GLIS2: variants seen among roughly 807,000 people sequenced by gnomAD.
The protein encoded by GLIS2 is zinc finger protein GLIS2.
In GLIS2, 14 loss-of-function variants were observed where a neutral mutation model predicts 35.6. The observed-to-expected ratio is 0.39, with a 90% CI of 0.26 to 0.61. The LOEUF (loss-of-function observed/expected upper bound fraction) is 0.61, where lower values mean the gene tolerates loss of function less well. Ranked by LOEUF, GLIS2 falls within the 20% of genes least tolerant of loss-of-function variation. The pLI is 0.48. For synonymous variants in GLIS2, 368 were observed against 325.1 expected (o/e 1.13, Z -1.42); for missense variants, 675 against 713.4 (o/e 0.95, Z 0.61).
In GLIS2 at chr16:4,335,776, A is replaced by G; in HGVS notation, c.775+383A>G. 1 of 261,690 alleles carries G rather than the reference A, an allele frequency of 3.8e-6. No homozygotes were observed. Among genetic ancestry groups the G allele is most frequent in the Non-Finnish European group, 7.5e-6 (1 of 134,206 alleles). The allele number at this position is 261,690 out of a possible 1,614,324, so 16.2% of individuals were successfully genotyped here. ...ACATTTCCTAATCGCTGCATAAAAC[A>G]CAGCAAAAATAAATGGGTGAAATTA... On this transcript the variant is annotated intron_variant, in intron 6 of 6. Coordinates refer to ENST00000433375, the MANE Select transcript of GLIS2 (RefSeq NM_032575.3). The surrounding 1 kb of genome is among the most constrained non-coding windows in gnomAD (Gnocchi z 4.6).
intron 6 of GLIS2, chr16:4,336,115 G>A (rs553948202): frequency 1.3e-3 from 247 of 193,390 alleles, no homozygotes; most frequent in Non-Finnish European, 2.1e-3. Context: ...GCCCACGCTG[G>A]GCGCCTCGTG....
chr16:4,332,174 TG>T lies in GLIS2; in HGVS notation c.-66-37del. 1 of 1,360,320 alleles carries T rather than the reference TG, an allele frequency of 7.4e-7. No homozygotes were observed. Among genetic ancestry groups the T allele is most frequent in the Non-Finnish European group, 1.0e-6 (1 of 982,752 alleles). 84.3% of individuals were successfully genotyped at this position (1,360,320 alleles called of 1,614,324 possible). A position where few individuals can be genotyped will look rare whatever the true frequency, so the allele number is the denominator to read the frequency against. The stretch of plus-strand genomic sequence containing the variant: ...CATGAGTACAGCCCGAGGAGAAGCC[TG>T]GGGTCTCAGTGCCACAGCACAGCTC... On this transcript the variant is annotated intron_variant, in intron 1 of 6. Coordinates refer to ENST00000433375, the MANE Select transcript of GLIS2 (RefSeq NM_032575.3). The surrounding 1 kb of genome is among the most constrained non-coding windows in gnomAD (Gnocchi z 5.4).
At chr16:4,328,700 A>G (rs984310845) in intron 1 of GLIS2, among the ~76,000 whole-genome samples, 1 of 152,076 alleles carries the variant, frequency 6.6e-6, no homozygotes, top group East Asian at 1.9e-4. Flanking sequence ...GGACCTGCTG[A>G]TGAAGGGGGT....
chr16:4,334,109 TTGTA>T (rs1267524940), intron 3 of GLIS2, among the ~76,000 whole-genome samples: 2 of 151,534 alleles, frequency 1.3e-5, no homozygotes, highest in East Asian at 3.9e-4. Context: ...CTGGCTACTT[TTGTA>T]TTTTTAGTAG....
rs560306322 is a variant in GLIS2 at position 4,332,336 on chromosome 16, C to G, written c.56C>G (p.Ala19Gly). 2 of 1,613,096 alleles carry G rather than the reference C, an allele frequency of 1.2e-6. No individual in the cohort carries two copies. Among genetic ancestry groups the G allele is most frequent in the African/African-American group, 2.7e-5 (2 of 74,930 alleles). ...AAGCTGAGTATCACCAAGCTCCGGG[C>G]GGCAAGAGAGAAGCGGGAGAGGACG... ...DLKLSITKLR[A>G]AREKRERTLG... Residue 19 changes from alanine (A) to glycine (G), a missense_variant, in exon 2 of 7, where the codon GCG (alanine) becomes GGG (glycine). By Grantham distance (60) the Ala-to-Gly change is moderately conservative (BLOSUM62 0). This residue lies in a region of GLIS2 where 225 missense variants were observed against 238.7 expected (regional missense o/e 0.94). Transcript: ENST00000433375. The surrounding 1 kb of genome is among the most constrained non-coding windows in gnomAD (Gnocchi z 5.4).
chr16:4,337,576 C>G lies in GLIS2; in HGVS notation c.*52C>G. 2.0e-6 allele frequency: 3 copies of G among 1,535,956 alleles called. No individual in the cohort carries two copies. Among genetic ancestry groups the G allele is most frequent in the Non-Finnish European group, 1.7e-6 (2 of 1,146,370 alleles). Reference sequence around the variant, plus strand: ...CCCCCCGGCAGCTCCCGGCACTGCCCCCGACGAACGGAAACTCTTCTGTGA... The same window carrying G: ...CCCCCCGGCAGCTCCCGGCACTGCCGCCGACGAACGGAAACTCTTCTGTGA... On this transcript the variant is annotated 3_prime_UTR_variant, in exon 7 of 7. Transcript: ENST00000433375.
chr16:4,322,623 C>G (rs544845091), intron 1 of GLIS2, among the ~76,000 whole-genome samples: 1 of 138,242 alleles, frequency 7.2e-6, no homozygotes, highest in Admixed American at 6.8e-5. Context: ...CAGGAGCAGC[C>G]CCCCCCCTAC....
At chr16:4,333,639 G>T in intron 3 of GLIS2, 120 bp downstream of exon 3, 1 of 1,160,958 alleles carries the variant, frequency 8.6e-7, no homozygotes, top group Non-Finnish European at 1.2e-6. Flanking sequence ...TAATTCTGGA[G>T]GCTGGAGTCT....
intron 1 of GLIS2, among the ~76,000 whole-genome samples, chr16:4,326,776 T>TC (rs1555463737): frequency 5.2e-5 from 4 of 76,918 alleles, no homozygotes; most frequent in African/African-American, 2.0e-4. Context: ...TTTTTTTTTT[T>TC]CCGAGATGGA....
intron 1 of GLIS2, among the ~76,000 whole-genome samples, chr16:4,319,375 G>T (rs1025800587): frequency 2.6e-5 from 4 of 152,132 alleles, no homozygotes; most frequent in African/African-American, 9.7e-5. Flanking sequence ...GCTGGCTAGG[G>T]GATCTGTGGG....
rs2053509644 is a variant in GLIS2, at chr16:4,332,557, C to T, written c.172+105C>T. ...AGCATGTAGCTGCAGCCCCTCTCGG[C>T]TTCCGGTTCATGGGAAGCCCGCACG... On this transcript the variant is annotated intron_variant, in intron 2 of 6. Transcript: ENST00000433375. This position sits in a 1 kb window ranked among gnomAD's most constrained non-coding sequence, Gnocchi z 5.4. 2 of 1,355,836 alleles carry T rather than the reference C, an allele frequency of 1.5e-6. No homozygotes were observed. The highest frequency in any genetic ancestry group is 3.9e-5 in the Admixed American group (2 of 51,120). 84.0% of individuals were successfully genotyped at this position (1,355,836 alleles called of 1,614,324 possible).
rs1255362670 is a variant in GLIS2, at chr16:4,320,408, G to C, written c.-67+4154G>C. On this transcript the variant is annotated intron_variant, in intron 1 of 6. Transcript: ENST00000433375. The surrounding 1 kb of genome is among the most constrained non-coding windows in gnomAD (Gnocchi z 5.6). ...GGACCCTGGTAGTCAAGAGGTCGTC[G>C]GAGGCCGGTGGGGGGAAACTGAGGC... 6.6e-6 allele frequency among the ~76,000 whole-genome samples: 1 copy of C among 152,044 alleles called. No individual in the cohort carries two copies. The highest frequency in any genetic ancestry group is 6.5e-5 in the Admixed American group (1 of 15,278).
chr16:4,333,461 G>A lies in GLIS2; in HGVS notation c.287G>A (p.Ser96Asn). 1 of 1,612,786 alleles carries A rather than the reference G, an allele frequency of 6.2e-7. No homozygotes were observed. The highest frequency in any genetic ancestry group is 2.2e-5 in the East Asian group (1 of 44,884). ...PSGLDSPNGS[S>N]SLSPERQGNG... is the part of the protein sequence containing the mutation. ...GGGCTGGACTCCCCCAATGGCAGCA[G>A]CTCGCTGTCCCCCGAGCGCCAGGGC... The change falls in exon 3 of 7, where the codon AGC (serine) becomes AAC (asparagine). Residue 96 changes from serine (S) to asparagine (N), a missense_variant. By Grantham distance (46) the Ser-to-Asn change is conservative. This residue lies in a region of GLIS2 where 225 missense variants were observed against 238.7 expected (regional missense o/e 0.94). Coordinates refer to ENST00000433375, the MANE Select transcript of GLIS2 (RefSeq NM_032575.3).
intron 1 of GLIS2, among the ~76,000 whole-genome samples, chr16:4,321,150 TG>T (rs2053374894): frequency 6.6e-6 from 1 of 152,164 alleles, no homozygotes; most frequent in East Asian, 1.9e-4. Context: ...TATCTGGGGC[TG>T]GGGGCCAGGG....
chr16:4,335,143 C>T lies in GLIS2; in HGVS notation c.606C>T (p.Tyr202=), dbSNP rs752979914. Residue 202 remains tyrosine, a synonymous_variant, in exon 5 of 7, where the codon TAC becomes TAT. Transcript: ENST00000433375. This position sits in a 1 kb window ranked among gnomAD's most constrained non-coding sequence, Gnocchi z 4.6. ...YHVKPEKDAG[Y]CCHWEGCARH... ...TCAAGCCCGAGAAGGATGCGGGGTA[C>T]TGCTGCCACTGGGAGGGCTGCGCCC... 6.8e-6 allele frequency: 11 copies of T among 1,613,272 alleles called. No homozygotes were observed. Among genetic ancestry groups the T allele is most frequent in the South Asian group, 1.1e-5 (1 of 91,082 alleles).
intron 1 of GLIS2, among the ~76,000 whole-genome samples, chr16:4,319,694 G>A (rs1176719641): frequency 2.6e-5 from 4 of 152,152 alleles, no homozygotes; most frequent in African/African-American, 7.2e-5. Context: ...CTAGTACTCT[G>A]CTGGGGGGCC....
rs1199099718 is a variant in GLIS2 at position 4,332,589 on chromosome 16, C to T, written c.172+137C>T. On this transcript the variant is annotated intron_variant, in intron 2 of 6. Transcript: ENST00000433375. This position sits in a 1 kb window ranked among gnomAD's most constrained non-coding sequence, Gnocchi z 5.4. ...TTCATGGGAAGCCCGCACGCTTGTCCTTCCATCCGCCCAGCATCGTATGTC... is the reference window on the plus strand; with the variant it reads ...TTCATGGGAAGCCCGCACGCTTGTCTTTCCATCCGCCCAGCATCGTATGTC... The T allele has an allele frequency of 2.0e-6, 2 of 1,002,070 alleles. No homozygotes were observed. The highest frequency in any genetic ancestry group is 3.0e-6 in the Non-Finnish European group (2 of 674,056). 62.1% of individuals were successfully genotyped at this position (1,002,070 alleles called of 1,614,324 possible).
At position 4,320,564 on chromosome 16, in the gene GLIS2, T is replaced by C. The variant is rs941829940; in HGVS notation, c.-67+4310T>C. 7.1e-6 allele frequency among the ~76,000 whole-genome samples: 1 copy of C among 140,150 alleles called. No individual in the cohort carries two copies. Among genetic ancestry groups the C allele is most frequent in the African/African-American group, 3.1e-5 (1 of 32,326 alleles). The allele number at this position is 140,150 out of a possible 152,430, so 91.9% of individuals were successfully genotyped here. A position where few individuals can be genotyped will look rare whatever the true frequency, so the allele number is the denominator to read the frequency against. On this transcript the variant is annotated intron_variant, in intron 1 of 6. Transcript: ENST00000433375. The surrounding 1 kb of genome is among the most constrained non-coding windows in gnomAD (Gnocchi z 5.6). ...AGCCTGGGAATCCCCCCAGCTCCAC[T>C]CCTGCCCCCCACGTCCACTGCAAGG... is the stretch of plus-strand genomic sequence containing the variant.
rs1596244162 is a variant in GLIS2 at position 4,337,911 on chromosome 16, A to G, written c.*387A>G. The G allele has an allele frequency of 2.6e-6, 1 of 380,172 alleles. No homozygotes were observed. Among genetic ancestry groups the G allele is most frequent in the African/African-American group, 2.1e-5 (1 of 48,170 alleles). The allele number at this position is 380,172 out of a possible 1,614,324, so 23.5% of individuals were successfully genotyped here. A position where few individuals can be genotyped will look rare whatever the true frequency, so the allele number is the denominator to read the frequency against. On this transcript the variant is annotated 3_prime_UTR_variant, in exon 7 of 7. Coordinates refer to ENST00000433375, the MANE Select transcript of GLIS2 (RefSeq NM_032575.3). Reference sequence around the variant, plus strand: ...CAGCAGAGGGGGTGGGTGGGGTGGCATCTGCCCTCCCTGCTAGCACCAGGC... The same window carrying G: ...CAGCAGAGGGGGTGGGTGGGGTGGCGTCTGCCCTCCCTGCTAGCACCAGGC...
Sources: gnomAD v4.1 joint callset for allele counts (sites outside exome capture counted in the v4.1 genomes callset) on GRCh38, gnomAD v4.1.1 for gene constraint, gnomAD v4.1.1 regional missense constraint, Gnocchi (gnomAD v3.1) non-coding constraint, MANE v1.5 for transcripts, NCBI Gene and HGNC (gene_info 2026-07-23, HGNC 2026-07-21) for gene names.